Variants in LMO4 observed in about 807,000 individuals in gnomAD.
LMO4 encodes the protein LIM domain only 4.
LMO4 carries 3 observed loss-of-function variants against 18.5 expected under a neutral mutation model. The observed-to-expected ratio is 0.16, with a 90% CI of 0.07 to 0.42. The LOEUF is 0.42. LMO4 is among the 10% of genes least tolerant of loss of function. The pLI is 0.99. For missense variants in LMO4, 121 were observed against 219.9 expected, an observed-to-expected ratio of 0.55 and a Z score of 2.84; for synonymous variants, 100 against 88.1, an observed-to-expected ratio of 1.14 and a Z score of -0.76.
Position 87,339,525 on chromosome 1 carries a change from CT to C in LMO4, c.237-8del. ...TTATTCACTGGTGTCAACCGTTATT[CT>C]TTGTTTCAGGTTATTTGGAAATAGC... On this transcript the variant is annotated splice_polypyrimidine_tract_variant and intron_variant, in intron 2 of 4. Transcript: ENST00000370544. 1 of 1,603,116 alleles carries C rather than the reference CT, an allele frequency of 6.2e-7. No homozygotes were observed. The highest frequency in any genetic ancestry group is 1.7e-4 in the Middle Eastern group (1 of 6,008).
intron 2 of LMO4, among the ~76,000 whole-genome samples, chr1:87,339,059 A>C (rs1228870895): frequency 1.3e-5 from 2 of 152,142 alleles, no homozygotes; most frequent in Non-Finnish European, 2.9e-5. Context: ...GCACTGATGG[A>C]GGTTTACGGG....
Position 87,348,429 on chromosome 1 carries a change from A to C in LMO4, c.*3633A>C. The C allele has an allele frequency of 3.3e-6, 1 of 302,976 alleles. No individual in the cohort carries two copies. Among genetic ancestry groups the C allele is most frequent in the Non-Finnish European group, 6.7e-6 (1 of 150,302 alleles). 18.8% of individuals were successfully genotyped at this position (302,976 alleles called of 1,614,324 possible). A position where few individuals can be genotyped will look rare whatever the true frequency, so the allele number is the denominator to read the frequency against. On this transcript the variant is annotated 3_prime_UTR_variant, in exon 5 of 5. Coordinates refer to ENST00000370544, the MANE Select transcript of LMO4 (RefSeq NM_006769.4). Reference sequence around the variant, plus strand: ...GCCAAGTCACAGAAGTGCTTATTGCAGTTAAATAGCAATTTGTTTCCATGA... The same window carrying C: ...GCCAAGTCACAGAAGTGCTTATTGCCGTTAAATAGCAATTTGTTTCCATGA...
At chr1:87,334,189 A>T (rs892809637) in intron 2 of LMO4, among the ~76,000 whole-genome samples, 1 of 152,062 alleles carries the variant, frequency 6.6e-6, no homozygotes, top group Admixed American at 6.5e-5. Flanking sequence ...CTACGTTCTT[A>T]CTTCCTTTTT....
chr1:87,344,669 G>T, intron 4 of LMO4, 119 bp from the exon 5 acceptor site: 1 of 996,554 alleles, frequency 1.0e-6, no homozygotes. Flanking sequence ...GTCACAGTTG[G>T]AAAGTAATCT....
intron 2 of LMO4, among the ~76,000 whole-genome samples, chr1:87,334,171 A>G (rs1165511955): frequency 6.6e-6 from 1 of 152,110 alleles, no homozygotes; most frequent in African/African-American, 2.4e-5. Flanking sequence ...AGCCTTAATT[A>G]ATGGCATCTA....
chr1:87,340,150 T>A lies in LMO4; in HGVS notation c.437T>A (p.Ile146Asn). 1 of 1,614,184 alleles carries A rather than the reference T, an allele frequency of 6.2e-7. No homozygotes were observed. The highest frequency in any genetic ancestry group is 8.5e-7 in the Non-Finnish European group (1 of 1,180,028). The change falls in exon 4 of 5, where the codon ATC (isoleucine) becomes AAC (asparagine). Residue 146 changes from isoleucine (I) to asparagine (N), a missense_variant. Physicochemically the swap from Ile to Asn is moderately radical, Grantham distance 149 (BLOSUM62 -3). This residue lies in a region of LMO4 where 62 missense variants were observed against 128.8 expected (regional missense o/e 0.48). Coordinates refer to ENST00000370544, the MANE Select transcript of LMO4 (RefSeq NM_006769.4). ...FCEHDRPTAL[I>N]NGHLNSLQSN... ...GAACATGATAGACCTACAGCTCTCA[T>A]CAATGGCCATTTGAATTCACTTCAG...
At position 87,332,072 on chromosome 1, in the gene LMO4, C is replaced by T. The variant is rs1373509080; in HGVS notation, c.57C>T (p.Ser19=). Residue 19 remains serine, a synonymous_variant, in exon 2 of 5, where the codon TCC becomes TCT. Coordinates refer to ENST00000370544, the MANE Select transcript of LMO4 (RefSeq NM_006769.4). ...CCCCGGTGACGGCCGGCTCCCTCTCCTGGAAGCGGTGCGCAGGCTGCGGGG... is the reference window on the plus strand; with the variant it reads ...CCCCGGTGACGGCCGGCTCCCTCTCTTGGAAGCGGTGCGCAGGCTGCGGGG... ...QPPPVTAGSL[S]WKRCAGCGGK... The T allele has an allele frequency of 6.2e-7, 1 of 1,613,756 alleles. No individual in the cohort carries two copies. Among genetic ancestry groups the T allele is most frequent in the Admixed American group, 1.7e-5 (1 of 60,032 alleles).
chr1:87,343,479 C>T (rs958968803), intron 4 of LMO4, among the ~76,000 whole-genome samples: 3 of 152,082 alleles, frequency 2.0e-5, no homozygotes, highest in African/African-American at 7.2e-5. Flanking sequence ...GCTGCCTGTT[C>T]TGGAATTTTT....
In LMO4 at chr1:87,345,189, CT is replaced by C. The variant is rs1343674193; in HGVS notation, c.*395del. 3 of 187,666 alleles carry C rather than the reference CT, an allele frequency of 1.6e-5. No homozygotes were observed. The highest frequency in any genetic ancestry group is 7.0e-5 in the African/African-American group (3 of 42,772). 11.6% of individuals were successfully genotyped at this position (187,666 alleles called of 1,614,324 possible). On this transcript the variant is annotated 3_prime_UTR_variant, in exon 5 of 5. Transcript: ENST00000370544. ...CCAGAGTTTGTACCCTGTGTTTTACCTTAACAACATTCTATTTGCTCTTTGT... is the reference window on the plus strand; with the variant it reads ...CCAGAGTTTGTACCCTGTGTTTTACCTAACAACATTCTATTTGCTCTTTGT...
chr1:87,338,700 C>A (rs1024426253), intron 2 of LMO4, among the ~76,000 whole-genome samples: 1 of 152,176 alleles, frequency 6.6e-6, no homozygotes. Context: ...CCTCCTCCCC[C>A]CATGGCAGAT....
At chr1:87,331,633 CGGAGGAGGGGAGGAGGGGGCAGT>C (rs1431361570) in intron 1 of LMO4, 1 of 216,658 alleles carries the variant, frequency 4.6e-6, no homozygotes, top group Non-Finnish European at 8.9e-6. Context: ...AGGCGGGCGG[CGGAGGAGGGGAGGAGGGGGCAGT>C]GGGCGGAGGC....
chr1:87,347,408 G>A lies in LMO4; in HGVS notation c.*2612G>A, dbSNP rs925549484. The stretch of plus-strand genomic sequence containing the variant: ...TACTAAAAACACTCAGGTTTATTCT[G>A]ATGTGAGCAGCGATTGTGTGCAGTT... On this transcript the variant is annotated 3_prime_UTR_variant, in exon 5 of 5. Transcript: ENST00000370544. 2.0e-5 allele frequency: 3 copies of A among 152,008 alleles called. No individual in the cohort carries two copies. The highest frequency in any genetic ancestry group is 4.4e-5 in the Non-Finnish European group (3 of 68,016). 9.4% of individuals were successfully genotyped at this position (152,008 alleles called of 1,614,324 possible). A position where few individuals can be genotyped will look rare whatever the true frequency, so the allele number is the denominator to read the frequency against.
At chr1:87,332,892 T>C (rs1272271406) in intron 2 of LMO4, among the ~76,000 whole-genome samples, 1 of 152,220 alleles carries the variant, frequency 6.6e-6, no homozygotes, top group African/African-American at 2.4e-5. Flanking sequence ...ACTCGGAGGC[T>C]TGCAATAATT....
At chr1:87,331,895 C>T in intron 1 of LMO4, 118 bp from the exon 2 acceptor site, 2 of 828,628 alleles carry the variant, frequency 2.4e-6, no homozygotes, top group Non-Finnish European at 3.8e-6. Context: ...CCTGCTGTTT[C>T]CTTCCAGCAG....
chr1:87,337,345 G>A (rs944292097), intron 2 of LMO4, among the ~76,000 whole-genome samples: 20 of 152,166 alleles, frequency 1.3e-4, no homozygotes, highest in Admixed American at 6.5e-5. Flanking sequence ...AATACACTTC[G>A]ATGTTGAAGA....
rs370802731 is a variant in LMO4 at position 87,331,671 on chromosome 1, G to T, written c.-3-342G>T. ...GAGGGGGCAGTGGGCGGAGGCGGGG[G>T]CTGGGAGGAGGTGCCGCGAGGGGTG... On this transcript the variant is annotated intron_variant, in intron 1 of 4. Coordinates refer to ENST00000370544, the MANE Select transcript of LMO4 (RefSeq NM_006769.4). The T allele has an allele frequency of 1.0e-3, 328 of 315,134 alleles. 3 individuals carry two copies. The East Asian group carries it at 0.015, about 14-fold the overall frequency. The allele number at this position is 315,134 out of a possible 1,614,324, so 19.5% of individuals were successfully genotyped here.
intron 2 of LMO4, among the ~76,000 whole-genome samples, chr1:87,339,239 T>TA (rs1491508421): frequency 2.0e-5 from 3 of 150,134 alleles, no homozygotes; most frequent in African/African-American, 5.0e-5. Flanking sequence ...TTTTTTTTTT[T>TA]ATGATGAACC....
Position 87,346,408 on chromosome 1 carries a change from T to A in LMO4, c.*1612T>A, listed in dbSNP as rs973814447. On this transcript the variant is annotated 3_prime_UTR_variant, in exon 5 of 5. Coordinates refer to ENST00000370544, the MANE Select transcript of LMO4 (RefSeq NM_006769.4). ...GTTGTACTGCCAGCTTCCTTAGATG[T>A]GAGCAAATTTCAACTACAACTTCCA... The A allele has an allele frequency of 4.6e-5, 7 of 152,252 alleles. No individual in the cohort carries two copies. The highest frequency in any genetic ancestry group is 7.3e-5 in the Non-Finnish European group (5 of 68,050). The allele number at this position is 152,252 out of a possible 1,614,324, so 9.4% of individuals were successfully genotyped here.
At chr1:87,339,691 T>C in intron 3 of LMO4, 59 bp downstream of exon 3, 1 of 1,066,188 alleles carries the variant, frequency 9.4e-7, no homozygotes, top group Non-Finnish European at 1.4e-6. Flanking sequence ...CCTACCTACA[T>C]GGGGGCAAAG....
Sources: gnomAD v4.1 joint callset for allele counts (sites outside exome capture counted in the v4.1 genomes callset) on GRCh38, gnomAD v4.1.1 for gene constraint, gnomAD v4.1.1 regional missense constraint, MANE v1.5 for transcripts, NCBI Gene and HGNC (gene_info 2026-07-23, HGNC 2026-07-21) for gene names.